Variants in SDK1 observed in about 807,000 individuals in gnomAD.
SDK1 encodes protein sidekick-1.
Under a neutral mutation model 245.5 loss-of-function variants are expected in SDK1, and 157 were observed. That is an observed-to-expected ratio of 0.64 (90% CI 0.56 to 0.73). SDK1 has a LOEUF of 0.73. Ranked by LOEUF, SDK1 falls within the 30% of genes least tolerant of loss-of-function variation. The pLI is 0.00. For missense variants in SDK1, 3,583 were observed against 3,002.3 expected (o/e 1.19, Z -4.52); for synonymous variants, 1,647 against 1,278.5 (o/e 1.29, Z -6.15).
At chr7:3,690,845 G>T (rs190792905) in intron 4 of SDK1, among the ~76,000 whole-genome samples, 17 of 152,300 alleles carry the variant, frequency 1.1e-4, no homozygotes, top group Admixed American at 3.9e-4. Context: ...TACTTTGCGT[G>T]TATATAAGAA....
intron 1 of SDK1, among the ~76,000 whole-genome samples, chr7:3,317,891 T>C (rs1454000289): frequency 3.3e-5 from 5 of 152,192 alleles, no homozygotes; most frequent in African/African-American, 1.2e-4. Context: ...ATGCAGTTTT[T>C]ATTATGCAGT....
intron 18 of SDK1, among the ~76,000 whole-genome samples, chr7:4,049,890 G>A (rs1414797317): frequency 1.3e-5 from 2 of 152,152 alleles, no homozygotes; most frequent in African/African-American, 2.4e-5. Context: ...CTACTTCAGG[G>A]AGAGTTCTGT....
intron 17 of SDK1, among the ~76,000 whole-genome samples, chr7:4,021,531 G>A (rs567174102): frequency 2.2e-4 from 33 of 152,302 alleles, no homozygotes; most frequent in East Asian, 1.2e-3. Context: ...CAGCAGCTCC[G>A]AGGTCATCAG....
At position 3,971,554 on chromosome 7, in the gene SDK1, C is replaced by T. The variant is rs763459780; in HGVS notation, c.1803C>T (p.Pro601=). The stretch of plus-strand genomic sequence containing the variant: ...TGCACTGTGGTGCCACACATGACCC[C>T]CGGGTTTCACTCCGGTCAGCACAAT... ...ATLHCGATHD[P]RVSLRYVWKK... is the part of the protein sequence containing the mutation. The change falls in exon 12 of 45, where the codon CCC becomes CCT. Residue 601 remains proline, a synonymous_variant. Coordinates refer to ENST00000404826, the MANE Select transcript of SDK1 (RefSeq NM_152744.4). The T allele has an allele frequency of 4.3e-6, 7 of 1,611,656 alleles. No individual in the cohort carries two copies. The highest frequency in any genetic ancestry group is 5.1e-6 in the Non-Finnish European group (6 of 1,178,480).
intron 41 of SDK1, among the ~76,000 whole-genome samples, chr7:4,236,249 G>A (rs1333081959): frequency 6.6e-6 from 1 of 152,178 alleles, no homozygotes; most frequent in Non-Finnish European, 1.5e-5. Context: ...CAGTGCCACA[G>A]AACCTACTCC....
At chr7:3,706,429 T>G (rs980084972) in intron 4 of SDK1, among the ~76,000 whole-genome samples, 2 of 152,144 alleles carry the variant, frequency 1.3e-5, no homozygotes, top group Non-Finnish European at 2.9e-5. Context: ...TTTTATGGAG[T>G]CTTGCTCTGT....
intron 35 of SDK1, among the ~76,000 whole-genome samples, chr7:4,190,151 A>C (rs893199455): frequency 6.6e-6 from 1 of 152,126 alleles, no homozygotes; most frequent in Non-Finnish European, 1.5e-5. Flanking sequence ...AGGGTAATTA[A>C]CGTCGCAACC....
chr7:3,795,352 C>T (rs556735435), intron 4 of SDK1, among the ~76,000 whole-genome samples: 1 of 152,198 alleles, frequency 6.6e-6, no homozygotes, highest in African/African-American at 2.4e-5. Flanking sequence ...GCTTTCAGTA[C>T]ACCCTGGCAC....
chr7:4,141,954 A>C (rs1779609331), intron 28 of SDK1, among the ~76,000 whole-genome samples: 1 of 151,930 alleles, frequency 6.6e-6, no homozygotes, highest in Non-Finnish European at 1.5e-5. Flanking sequence ...GCGGGGTTTC[A>C]CCATCTTGGC....
intron 1 of SDK1, among the ~76,000 whole-genome samples, chr7:3,522,844 C>G (rs527679638): frequency 3.9e-5 from 6 of 152,212 alleles, no homozygotes; most frequent in Non-Finnish European, 5.9e-5. Flanking sequence ...GTGAGGTTCG[C>G]TATTCACATC....
At chr7:3,365,412 T>C (rs1244201697) in intron 1 of SDK1, among the ~76,000 whole-genome samples, 1 of 152,192 alleles carries the variant, frequency 6.6e-6, no homozygotes, top group Non-Finnish European at 1.5e-5. Flanking sequence ...CAGAACTCTT[T>C]CAGTGGTCGG....
chr7:3,884,527 T>A (rs1298028308), intron 5 of SDK1, among the ~76,000 whole-genome samples: 3 of 152,226 alleles, frequency 2.0e-5, no homozygotes, highest in Non-Finnish European at 4.4e-5. Context: ...ATGAGGACAC[T>A]GAGTCTCAGG....
At chr7:3,403,939 C>T (rs2128574592) in intron 1 of SDK1, among the ~76,000 whole-genome samples, 1 of 140,816 alleles carries the variant, frequency 7.1e-6, no homozygotes, top group Middle Eastern at 3.7e-3. Flanking sequence ...GGAGATATTG[C>T]AGGTTAGGGT....
intron 15 of SDK1, among the ~76,000 whole-genome samples, 188 bp from the exon 16 acceptor site, chr7:4,011,907 A>C (rs562117405): frequency 6.6e-6 from 1 of 152,046 alleles, no homozygotes; most frequent in East Asian, 1.9e-4. Context: ...CTGATTTTCT[A>C]TTATGTTGAT....
chr7:3,670,166 C>G (rs1361570049), intron 4 of SDK1, among the ~76,000 whole-genome samples: 3 of 152,196 alleles, frequency 2.0e-5, no homozygotes, highest in Admixed American at 2.0e-4. Flanking sequence ...ATTCCCCATG[C>G]TGTGGTCAGA....
At chr7:4,192,870 A>G (rs1783291690) in intron 35 of SDK1, among the ~76,000 whole-genome samples, 1 of 151,778 alleles carries the variant, frequency 6.6e-6, no homozygotes, top group African/African-American at 2.4e-5. Context: ...CAGCTCTCAG[A>G]CATCATATAT....
intron 7 of SDK1, among the ~76,000 whole-genome samples, chr7:3,954,933 A>C (rs73296634): frequency 0.017 from 2,518 of 152,166 alleles, 71 homozygotes; most frequent in African/African-American, 0.057. Flanking sequence ...CTCTGGAATC[A>C]GGATGTGCCT....
intron 1 of SDK1, among the ~76,000 whole-genome samples, chr7:3,364,035 C>T (rs758013535): frequency 6.6e-6 from 1 of 152,182 alleles, no homozygotes; most frequent in African/African-American, 2.4e-5. Context: ...TTTTAATTTG[C>T]ATTCCCCTAA....
intron 31 of SDK1, 100 bp from the exon 32 acceptor site, chr7:4,161,686 G>T (rs1291889565): frequency 1.1e-6 from 1 of 926,206 alleles, no homozygotes; most frequent in Non-Finnish European, 1.8e-6. Context: ...AAGGAGGCAG[G>T]GCTCACCAGC....
Sources: allele counts gnomAD v4.1 joint callset (sites outside exome capture counted in the v4.1 genomes callset), GRCh38; gene constraint gnomAD v4.1.1; transcripts MANE v1.5; gene names NCBI Gene and HGNC (gene_info 2026-07-23, HGNC 2026-07-21).